ARHGEF7: variants seen among roughly 807,000 people sequenced by gnomAD.
ARHGEF7 encodes PAK-interacting exchange factor beta.
In ARHGEF7, 33 loss-of-function variants were observed where a neutral mutation model predicts 109.8. That is an observed-to-expected ratio of 0.30 (90% CI 0.23 to 0.40). The LOEUF is 0.40. Among genes scored for constraint, ARHGEF7 ranks in the 10% least tolerant of loss-of-function variants. ARHGEF7 has a pLI of 1.00. For synonymous variants in ARHGEF7, 458 were observed against 424.6 expected, an observed-to-expected ratio of 1.08 and a Z score of -0.97; for missense variants, 938 against 1,098.5, an observed-to-expected ratio of 0.85 and a Z score of 2.07.
chr13:111,194,280 G>A (rs1177445786), intron 2 of ARHGEF7, among the ~76,000 whole-genome samples: 1 of 152,094 alleles, frequency 6.6e-6, no homozygotes, highest in African/African-American at 2.4e-5. Context: ...CTTGTACTAG[G>A]TTCTGCTTTT....
intron 2 of ARHGEF7, among the ~76,000 whole-genome samples, chr13:111,176,046 C>A (rs947383945): frequency 6.6e-6 from 1 of 152,124 alleles, no homozygotes; most frequent in Admixed American, 6.5e-5. Context: ...TCCCACTGGG[C>A]CCTCCCATGA....
At chr13:111,149,562 C>T (rs559670689) in intron 1 of ARHGEF7, among the ~76,000 whole-genome samples, 14 of 152,318 alleles carry the variant, frequency 9.2e-5, no homozygotes, top group African/African-American at 3.1e-4. Context: ...CTGGCCAGAA[C>T]ATTTTGCCAA....
intron 2 of ARHGEF7, among the ~76,000 whole-genome samples, chr13:111,188,502 A>G (rs2079507314): frequency 6.6e-6 from 1 of 152,086 alleles, no homozygotes; most frequent in Non-Finnish European, 1.5e-5. Context: ...TTCCTCCTAC[A>G]CGGTGCTGGA....
intron 4 of ARHGEF7, among the ~76,000 whole-genome samples, chr13:111,215,122 A>G (rs567430671): frequency 6.6e-6 from 1 of 151,724 alleles, no homozygotes; most frequent in East Asian, 1.9e-4. Context: ...TATGGGGTAC[A>G]CGAGCTGTCT....
intron 2 of ARHGEF7, among the ~76,000 whole-genome samples, chr13:111,177,678 C>G (rs1239913746): frequency 6.6e-6 from 1 of 152,162 alleles, no homozygotes; most frequent in African/African-American, 2.4e-5. Context: ...ACTGGGAAGG[C>G]CTCTCACTAG....
chr13:111,203,194 G>C (rs1440391122), intron 2 of ARHGEF7: 21 of 919,060 alleles, frequency 2.3e-5, no homozygotes, highest in Non-Finnish European at 3.1e-5. Context: ...TGAATTTTCA[G>C]AGCACTAAGA....
intron 6 of ARHGEF7, among the ~76,000 whole-genome samples, chr13:111,238,315 T>C (rs1293021943): frequency 1.3e-5 from 2 of 152,196 alleles, no homozygotes; most frequent in African/African-American, 2.4e-5. Flanking sequence ...AGCCCAGTTA[T>C]CTCATTTGTA....
chr13:111,254,454 GGCGC>G (rs2090183980), intron 8 of ARHGEF7, among the ~76,000 whole-genome samples: 1 of 133,962 alleles, frequency 7.5e-6, no homozygotes, highest in Admixed American at 7.1e-5. Context: ...TTCGGGCTAA[GGCGC>G]TGAGTCGCTA....
chr13:111,168,144 A>ACG (rs2077280462), intron 2 of ARHGEF7, among the ~76,000 whole-genome samples: 1 of 152,164 alleles, frequency 6.6e-6, no homozygotes, highest in African/African-American at 2.4e-5. Flanking sequence ...TCTCTCGTCC[A>ACG]GGTCATAGGG....
chr13:111,167,631 A>T (rs1429240197), intron 2 of ARHGEF7, among the ~76,000 whole-genome samples: 1 of 152,150 alleles, frequency 6.6e-6, no homozygotes, highest in African/African-American at 2.4e-5. Context: ...CTTAGTTATA[A>T]ATGACATGTG....
chr13:111,154,365 T>G (rs1366069451), intron 2 of ARHGEF7, among the ~76,000 whole-genome samples: 1 of 152,164 alleles, frequency 6.6e-6, no homozygotes, highest in African/African-American at 2.4e-5. Context: ...CTTTTAGAGA[T>G]TGTCATCTAA....
chr13:111,299,488 G>A lies in ARHGEF7; in HGVS notation c.2312-1260G>A, dbSNP rs375091389. On this transcript the variant is annotated intron_variant, in intron 19 of 21. Coordinates refer to ENST00000646102, the MANE Select transcript of ARHGEF7 (RefSeq NM_001354046.2). Reference sequence around the variant, plus strand: ...CTCCCGAGTAGCTGGGACTATAGGCGCCTGCCACCACGCCCGGCTAATTTT... The same window carrying A: ...CTCCCGAGTAGCTGGGACTATAGGCACCTGCCACCACGCCCGGCTAATTTT... Among the ~76,000 whole-genome samples the A allele has an allele frequency of 2.6e-4, 39 of 151,848 alleles. 1 individual carries two copies. In the South Asian group the frequency reaches 3.1e-3, roughly 12 times the overall value.
intron 3 of ARHGEF7, among the ~76,000 whole-genome samples, chr13:111,208,297 C>T (rs2082118705): frequency 6.6e-6 from 1 of 152,204 alleles, no homozygotes; most frequent in Admixed American, 6.5e-5. Flanking sequence ...GCCTCTGCCT[C>T]CCTAAGTGTT....
chr13:111,172,739 A>G (rs7322101), intron 2 of ARHGEF7, among the ~76,000 whole-genome samples: 29,283 of 152,220 alleles, frequency 0.19, 2,984 homozygotes, highest in Middle Eastern at 0.23. Context: ...GTAAAAAGCT[A>G]GACAGTAACT....
At chr13:111,170,540 C>T (rs1017808570) in intron 2 of ARHGEF7, among the ~76,000 whole-genome samples, 3 of 152,180 alleles carry the variant, frequency 2.0e-5, no homozygotes, top group Non-Finnish European at 2.9e-5. Context: ...ATGTTACTGG[C>T]GTTATCAACG....
Position 111,288,558 on chromosome 13 carries a change from C to T in ARHGEF7, c.2134+115C>T, listed in dbSNP as rs2093127228. 5 of 605,148 alleles carry T rather than the reference C, an allele frequency of 8.3e-6. 1 individual carries two copies. The Admixed American group carries it at 1.5e-4, about 19-fold the overall frequency. 37.5% of individuals were successfully genotyped at this position (605,148 alleles called of 1,614,324 possible). Reference sequence around the variant, plus strand: ...CTTGCACAGCCCATGCGCCTGACCTCCCAGTGAGTGATGTTTCAGTCAGGG... The same window carrying T: ...CTTGCACAGCCCATGCGCCTGACCTTCCAGTGAGTGATGTTTCAGTCAGGG... On this transcript the variant is annotated intron_variant, in intron 18 of 21. Coordinates refer to ENST00000646102, the MANE Select transcript of ARHGEF7 (RefSeq NM_001354046.2).
intron 1 of ARHGEF7, among the ~76,000 whole-genome samples, chr13:111,116,188 AG>A (rs2066761820): frequency 2.0e-5 from 3 of 152,172 alleles, no homozygotes; most frequent in Non-Finnish European, 2.9e-5. Context: ...TCTGTAGCTG[AG>A]GGCTGCGCTG....
chr13:111,293,725 C>T, intron 19 of ARHGEF7: 2 of 985,340 alleles, frequency 2.0e-6, no homozygotes, highest in Non-Finnish European at 2.4e-6. Flanking sequence ...ACATTTTTTC[C>T]TTCTTCAGGG....
intron 2 of ARHGEF7, among the ~76,000 whole-genome samples, chr13:111,170,561 A>G (rs1019794439): frequency 6.6e-6 from 1 of 152,254 alleles, no homozygotes; most frequent in African/African-American, 2.4e-5. Flanking sequence ...GCCTTGCACA[A>G]GGCTGCTCAC....
Sources: allele counts gnomAD v4.1 joint callset (sites outside exome capture counted in the v4.1 genomes callset), GRCh38; gene constraint gnomAD v4.1.1; transcripts MANE v1.5; gene names NCBI Gene and HGNC (gene_info 2026-07-23, HGNC 2026-07-21).